The following SRSF2 variants were observed in gnomAD, a reference collection of about 807,000 sequenced individuals.
SRSF2 encodes serine and arginine rich splicing factor 2.
In SRSF2, 4 loss-of-function variants were observed where a neutral mutation model predicts 15.7. The observed-to-expected ratio is 0.26, with a 90% CI of 0.13 to 0.58. SRSF2 has a LOEUF of 0.58. Among genes scored for constraint, SRSF2 ranks in the 20% least tolerant of loss-of-function variants. The pLI is 0.90. For missense variants in SRSF2, 147 were observed against 332.4 expected (o/e 0.44, Z 4.34); for synonymous variants, 192 against 138.9 (o/e 1.38, Z -2.69).
In SRSF2 at chr17:76,736,472, CG is replaced by C; in HGVS notation, c.363-9del. On this transcript the variant is annotated splice_polypyrimidine_tract_variant and intron_variant, in intron 1 of 2. Coordinates refer to ENST00000359995, the MANE Select transcript of SRSF2 (RefSeq NM_001195427.2). ...CGGCGACGCCGCCTAGGGCTGCGGG[CG>C]GGACGAGCAAGCACAGCGGGGTTAA... 1.2e-6 allele frequency: 2 copies of C among 1,608,836 alleles called. No individual in the cohort carries two copies. The highest frequency in any genetic ancestry group is 2.2e-5 in the East Asian group (1 of 44,834).
At position 76,736,191 on chromosome 17, in the gene SRSF2, A is replaced by G. The variant is rs768551262; in HGVS notation, c.636T>C (p.Ser212=). The change falls in exon 2 of 3, where the codon TCT becomes TCC. Residue 212 remains serine (S), a synonymous_variant. Transcript: ENST00000359995. ...SRSRSKSPPK[S]PEEEGAVSS ...AGGACACCGCTCCTTCCTCTTCAGGAGACTTGGGGGGACTCTTCGATCGCG... is the reference window on the plus strand; with the variant it reads ...AGGACACCGCTCCTTCCTCTTCAGGGGACTTGGGGGGACTCTTCGATCGCG... 1.9e-6 allele frequency: 3 copies of G among 1,612,728 alleles called. No individual in the cohort carries two copies. Among genetic ancestry groups the G allele is most frequent in the African/African-American group, 2.7e-5 (2 of 74,946 alleles).
intron 1 of SRSF2, 166 bp downstream of exon 1, chr17:76,736,633 C>A: frequency 8.7e-7 from 1 of 1,154,516 alleles, no homozygotes; most frequent in Non-Finnish European, 1.1e-6. Context: ...ACTCCCGGGT[C>A]GCAGACGGCG....
intron 2 of SRSF2, chr17:76,735,760 T>G: frequency 2.9e-6 from 1 of 350,200 alleles, no homozygotes; most frequent in Non-Finnish European, 5.5e-6. Context: ...TCTTTAACAT[T>G]TAAAGACAAA....
chr17:76,736,596 C>T (rs750478335), intron 1 of SRSF2, 132 bp from the exon 2 acceptor site: 3 of 1,171,904 alleles, frequency 2.6e-6, no homozygotes, highest in East Asian at 5.9e-5. Flanking sequence ...GCGGGGTCCT[C>T]CGCCCCGCGC....
In SRSF2 at chr17:76,737,164, T is replaced by C. The variant is rs909394347; in HGVS notation, c.-4A>G. On this transcript the variant is annotated 5_prime_UTR_variant, in exon 1 of 3. Transcript: ENST00000359995. ...GAGGGGGGCGGCCGTAGCTCATAGC[T>C]CTGAGTGGCGGCCCGGAGCCCCGCG... 2.6e-6 allele frequency: 4 copies of C among 1,561,258 alleles called. No individual in the cohort carries two copies. The highest frequency in any genetic ancestry group is 1.8e-5 in the Admixed American group (1 of 55,194).
chr17:76,736,753 C>T (rs1598432835), intron 1 of SRSF2, 46 bp downstream of exon 1: 3 of 1,396,704 alleles, frequency 2.1e-6, no homozygotes, highest in East Asian at 5.6e-5. Flanking sequence ...CCCGGGCCTC[C>T]CGCGCGCCCC....
At position 76,737,044 on chromosome 17, in the gene SRSF2, G is replaced by A. The variant is rs999131144; in HGVS notation, c.117C>T (p.Arg39=). Residue 39 remains arginine (R), a synonymous_variant, in exon 1 of 3, where the codon CGC becomes CGT. Coordinates refer to ENST00000359995, the MANE Select transcript of SRSF2 (RefSeq NM_001195427.2). ...CCCGCGGGATGTACACGTCGCCGAC[G>A]CGCCCGTACTTCTCGAAGACGCGCC... The part of the protein sequence containing the change: ...TLRRVFEKYG[R]VGDVYIPRDR... The A allele has an allele frequency of 1.2e-6, 2 of 1,613,328 alleles. No homozygotes were observed. The highest frequency in any genetic ancestry group is 8.5e-7 in the Non-Finnish European group (1 of 1,179,764).
In SRSF2 at chr17:76,737,172, G is replaced by C; in HGVS notation, c.-12C>G. On this transcript the variant is annotated 5_prime_UTR_variant, in exon 1 of 3. Transcript: ENST00000359995. ...CGGCCGTAGCTCATAGCTCTGAGTG[G>C]CGGCCCGGAGCCCCGCGAACTGGCG... The C allele has an allele frequency of 3.2e-6, 5 of 1,540,220 alleles. No individual in the cohort carries two copies. The highest frequency in any genetic ancestry group is 4.4e-6 in the Non-Finnish European group (5 of 1,137,990).
rs1195752343 is a variant in SRSF2, at chr17:76,736,400, G to C, written c.427C>G (p.Arg143Gly). ...RSRSRSRSRS[R>G]YSRSKSRSRT... ...GACCGAGACTTCGAGCGGCTGTAGC[G>C]AGATCGGCTGCGAGACCTGGAACGA... Residue 143 changes from arginine (R) to glycine (G), a missense_variant, in exon 2 of 3, where the codon CGC (arginine) becomes GGC (glycine). Coordinates refer to ENST00000359995, the MANE Select transcript of SRSF2 (RefSeq NM_001195427.2). 1 of 1,613,880 alleles carries C rather than the reference G, an allele frequency of 6.2e-7. No individual in the cohort carries two copies. Among genetic ancestry groups the C allele is most frequent in the African/African-American group, 1.3e-5 (1 of 74,942 alleles).
intron 1 of SRSF2, 98 bp from the exon 2 acceptor site, chr17:76,736,562 A>G (rs2077487213): frequency 1.5e-6 from 2 of 1,376,388 alleles, no homozygotes; most frequent in Non-Finnish European, 1.9e-6. Flanking sequence ...TCTCGCCGCC[A>G]GACGCCATTT....
intron 1 of SRSF2, 21 bp downstream of exon 1, chr17:76,736,778 G>T: frequency 7.1e-7 from 1 of 1,416,852 alleles, no homozygotes. Context: ...CGCCTCCCGC[G>T]GTCCCCTCAG....
At chr17:76,735,484 T>A (rs937023047) in intron 2 of SRSF2, 33 of 228,390 alleles carry the variant, frequency 1.4e-4, no homozygotes, top group African/African-American at 6.7e-4. Flanking sequence ...ATAAATTGTT[T>A]CAAATGAAAC....
chr17:76,735,593 A>C, intron 2 of SRSF2: 1 of 236,082 alleles, frequency 4.2e-6, no homozygotes, highest in Non-Finnish European at 8.4e-6. Context: ...AAGACACACT[A>C]TCCTTTCCCC....
rs746774617 is a variant in SRSF2, at chr17:76,736,557, C to T, written c.363-93G>A. On this transcript the variant is annotated intron_variant, in intron 1 of 2. Coordinates refer to ENST00000359995, the MANE Select transcript of SRSF2 (RefSeq NM_001195427.2). ...TCCCGCCCAGGCCGCCATTATCTCG[C>T]CGCCAGACGCCATTTCCCCAGTCGC... The T allele has an allele frequency of 1.4e-5, 19 of 1,392,754 alleles. No individual in the cohort carries two copies. In the South Asian group the frequency reaches 2.6e-4, roughly 19 times the overall value. The allele number at this position is 1,392,754 out of a possible 1,614,324, so 86.3% of individuals were successfully genotyped here.
chr17:76,736,659 G>T, intron 1 of SRSF2, 140 bp downstream of exon 1: 1 of 1,199,410 alleles, frequency 8.3e-7, no homozygotes, highest in Non-Finnish European at 1.1e-6. Flanking sequence ...TCGCGGGGTG[G>T]CCGGAGGGTC....
In SRSF2 at chr17:76,737,327, C is replaced by A; in HGVS notation, c.-167G>T. 2 of 900,558 alleles carry A rather than the reference C, an allele frequency of 2.2e-6. No individual in the cohort carries two copies. The highest frequency in any genetic ancestry group is 1.6e-6 in the Non-Finnish European group (1 of 625,764). 55.8% of individuals were successfully genotyped at this position (900,558 alleles called of 1,614,324 possible). A position where few individuals can be genotyped will look rare whatever the true frequency, so the allele number is the denominator to read the frequency against. On this transcript the variant is annotated 5_prime_UTR_variant, in exon 1 of 3. Transcript: ENST00000359995. ...TCCGCAGGCTAGCGCACCTGAGTAA[C>A]AACTGGGCGGGCAGCCGGCCTCTGC...
At position 76,735,171 on chromosome 17, in the gene SRSF2, A is replaced by G. The variant is rs1419615114; in HGVS notation, c.*8-13T>C. The G allele has an allele frequency of 4.5e-6, 1 of 219,806 alleles. No homozygotes were observed. The highest frequency in any genetic ancestry group is 5.8e-5 in the Admixed American group (1 of 17,226). 13.6% of individuals were successfully genotyped at this position (219,806 alleles called of 1,614,324 possible). A position where few individuals can be genotyped will look rare whatever the true frequency, so the allele number is the denominator to read the frequency against. Reference sequence around the variant, plus strand: ...CTTGCCGATACATCTAGGTTTGAAAAGAAAGAAGTTCAGCTTACCTTCCAT... The same window carrying G: ...CTTGCCGATACATCTAGGTTTGAAAGGAAAGAAGTTCAGCTTACCTTCCAT... On this transcript the variant is annotated splice_polypyrimidine_tract_variant and intron_variant, in intron 2 of 2. Transcript: ENST00000359995.
chr17:76,737,312 A>T lies in SRSF2; in HGVS notation c.-152T>A. On this transcript the variant is annotated 5_prime_UTR_variant, in exon 1 of 3. Transcript: ENST00000359995. ...ACAGCACGGACGGGCTCCGCAGGCT[A>T]GCGCACCTGAGTAACAACTGGGCGG... 9.1e-7 allele frequency: 1 copy of T among 1,095,598 alleles called. No individual in the cohort carries two copies. Among genetic ancestry groups the T allele is most frequent in the South Asian group, 1.8e-5 (1 of 56,422 alleles). The allele number at this position is 1,095,598 out of a possible 1,614,324, so 67.9% of individuals were successfully genotyped here.
chr17:76,735,772 C>A, intron 2 of SRSF2: 1 of 368,154 alleles, frequency 2.7e-6, no homozygotes, highest in Non-Finnish European at 5.2e-6. Flanking sequence ...AAAGACAAAC[C>A]TGCTCCAATA....
Sources: allele counts gnomAD v4.1 joint callset, GRCh38; gene constraint gnomAD v4.1.1; transcripts MANE v1.5; gene names NCBI Gene and HGNC (gene_info 2026-07-23, HGNC 2026-07-21).